The following RIMS2 variants were observed in gnomAD, a reference collection of about 807,000 sequenced individuals.
RIMS2 encodes regulating synaptic membrane exocytosis 2.
A neutral mutation model predicts 174.4 loss-of-function variants in RIMS2; 59 were observed. The ratio of observed to expected loss-of-function variants is 0.34; its 90% CI spans 0.27 to 0.42. The LOEUF is 0.42. Ranked by LOEUF, RIMS2 falls within the 10% of genes least tolerant of loss-of-function variation. The pLI, the probability that RIMS2 is intolerant of heterozygous loss-of-function variation, is 1.00. For missense variants in RIMS2, 1,620 were observed against 1,666.3 expected (o/e 0.97, Z 0.48); for synonymous variants, 606 against 572.5 (o/e 1.06, Z -0.84).
intron 19 of RIMS2, among the ~76,000 whole-genome samples, chr8:104,145,671 C>CAATAAATTAAATAAATA (rs147902805): frequency 8.5e-4 from 113 of 132,696 alleles, no homozygotes; most frequent in African/African-American, 3.0e-3. Context: ...ACTAAAAATA[C>CAATAAATTAAATAAATA]AATAAATAAA....
intron 19 of RIMS2, among the ~76,000 whole-genome samples, chr8:104,220,844 T>A (rs903549537): frequency 6.6e-6 from 1 of 152,116 alleles, no homozygotes; most frequent in Non-Finnish European, 1.5e-5. Context: ...TGAGCTCAAG[T>A]GATCCTCCCA....
chr8:104,251,624 G>A, exon 24 of RIMS2: 1 of 1,604,202 alleles, frequency 6.2e-7, no homozygotes, highest in Non-Finnish European at 8.5e-7. Flanking sequence ...GGAGATTATG[G>A]CCGCATGGAT....
intron 1 of RIMS2, among the ~76,000 whole-genome samples, chr8:103,594,220 G>T (rs1370476838): frequency 1.3e-5 from 2 of 151,492 alleles, no homozygotes; most frequent in Non-Finnish European, 3.0e-5. Flanking sequence ...CTTAACAAAT[G>T]TCCTTTTTGT....
At chr8:103,582,321 G>A (rs934573952) in intron 1 of RIMS2, among the ~76,000 whole-genome samples, 1 of 152,184 alleles carries the variant, frequency 6.6e-6, no homozygotes, top group Admixed American at 6.5e-5. Flanking sequence ...GCGAGCCTCT[G>A]AGACTTGCTG....
intron 2 of RIMS2, among the ~76,000 whole-genome samples, chr8:103,719,112 G>C (rs1053542355): frequency 6.9e-6 from 1 of 145,792 alleles, no homozygotes; most frequent in Non-Finnish European, 1.5e-5. Flanking sequence ...GAGGTCATAA[G>C]TTAAAAAAAA....
intron 3 of RIMS2, among the ~76,000 whole-genome samples, chr8:103,842,763 A>T (rs970070158): frequency 3.1e-4 from 47 of 152,184 alleles, no homozygotes; most frequent in African/African-American, 1.1e-3. Flanking sequence ...ACATTTACTC[A>T]TCTGTATTAG....
At chr8:103,623,448 A>G (rs2095685906) in intron 1 of RIMS2, among the ~76,000 whole-genome samples, 1 of 149,608 alleles carries the variant, frequency 6.7e-6, no homozygotes, top group East Asian at 1.9e-4. Context: ...TCCTTGGTAC[A>G]GACATAAAAA....
chr8:103,956,773 C>T (rs556323180), intron 14 of RIMS2, among the ~76,000 whole-genome samples: 1 of 152,152 alleles, frequency 6.6e-6, no homozygotes, highest in African/African-American at 2.4e-5. Flanking sequence ...AACTAAAGGG[C>T]TTCTGCACAG....
intron 3 of RIMS2, among the ~76,000 whole-genome samples, chr8:103,848,852 T>G (rs1158721942): frequency 2.6e-5 from 4 of 152,034 alleles, no homozygotes; most frequent in African/African-American, 9.7e-5. Flanking sequence ...TATAATTAAA[T>G]TCTGTGACTA....
chr8:104,100,619 C>T (rs559218994), intron 19 of RIMS2, among the ~76,000 whole-genome samples: 1 of 151,658 alleles, frequency 6.6e-6, no homozygotes, highest in South Asian at 2.1e-4. Flanking sequence ...GCTACTCATC[C>T]ATTTTAGAAT....
At chr8:103,660,371 T>A (rs908113765) in intron 1 of RIMS2, among the ~76,000 whole-genome samples, 9 of 152,228 alleles carry the variant, frequency 5.9e-5, no homozygotes. Flanking sequence ...GCCTCTGTGC[T>A]CACGTATCTG....
intron 4 of RIMS2, among the ~76,000 whole-genome samples, chr8:103,897,955 T>C (rs1298439090): frequency 1.3e-5 from 2 of 151,676 alleles, no homozygotes; most frequent in Non-Finnish European, 2.9e-5. Context: ...TTGAGTCCAA[T>C]CAATATTGCA....
chr8:103,663,545 G>T (rs1470211614), intron 1 of RIMS2, among the ~76,000 whole-genome samples: 1 of 152,040 alleles, frequency 6.6e-6, no homozygotes, highest in Non-Finnish European at 1.5e-5. Flanking sequence ...ACTACAAATA[G>T]AATAAAATAC....
At chr8:103,677,269 C>G (rs2096827083) in intron 1 of RIMS2, among the ~76,000 whole-genome samples, 1 of 151,504 alleles carries the variant, frequency 6.6e-6, no homozygotes, top group Non-Finnish European at 1.5e-5. Flanking sequence ...AAAAAAGAAA[C>G]AAAGGGGATG....
chr8:103,993,577 A>G (rs2094870268), intron 17 of RIMS2, among the ~76,000 whole-genome samples: 2 of 152,216 alleles, frequency 1.3e-5, no homozygotes, highest in African/African-American at 4.8e-5. Context: ...ATAGTTTAAA[A>G]TTATGAAGTA....
At chr8:104,247,705 G>A (rs1291692255) in intron 20 of RIMS2, among the ~76,000 whole-genome samples, 1 of 152,150 alleles carries the variant, frequency 6.6e-6, no homozygotes, top group Non-Finnish European at 1.5e-5. Context: ...TTTGCAGTCG[G>A]GGGACAGGAG....
At chr8:103,660,895 CTT>C (rs1163549055) in intron 1 of RIMS2, among the ~76,000 whole-genome samples, 1 of 152,060 alleles carries the variant, frequency 6.6e-6, no homozygotes, top group African/African-American at 2.4e-5. Flanking sequence ...TTAAGTAAAA[CTT>C]ATAAGTAATA....
intron 3 of RIMS2, among the ~76,000 whole-genome samples, chr8:103,875,296 A>G (rs925851384): frequency 6.6e-6 from 1 of 151,820 alleles, no homozygotes; most frequent in Admixed American, 6.6e-5. Context: ...TGAGTTTCCA[A>G]TGTCCATTAT....
intron 17 of RIMS2, among the ~76,000 whole-genome samples, chr8:104,001,385 T>A (rs543661029): frequency 7.9e-5 from 12 of 152,084 alleles, no homozygotes; most frequent in Middle Eastern, 6.8e-3. Flanking sequence ...ATAAATTTTT[T>A]AAAAATATTA....
Sources: allele counts gnomAD v4.1 joint callset (sites outside exome capture counted in the v4.1 genomes callset), GRCh38; gene constraint gnomAD v4.1.1; transcripts MANE v1.5; gene names NCBI Gene and HGNC (gene_info 2026-07-23, HGNC 2026-07-21).